The following ERC2 variants were observed in gnomAD, a reference collection of about 807,000 sequenced individuals.
ERC2 encodes the protein ELKS/RAB6-interacting/CAST family member 2.
ERC2 carries 42 observed loss-of-function variants against 114.8 expected under a neutral mutation model. The observed-to-expected ratio is 0.37, with a 90% CI of 0.29 to 0.47. The LOEUF (loss-of-function observed/expected upper bound fraction) is 0.47. Among genes scored for constraint, ERC2 ranks in the 20% least tolerant of loss-of-function variants. The probability of loss-of-function intolerance (pLI) is 0.99; values close to 1 mark genes in which losing one functional copy is unlikely to be tolerated. For synonymous variants in ERC2, 454 were observed against 425.5 expected, an observed-to-expected ratio of 1.07 and a Z score of -0.82; for missense variants, 939 against 1,150.7, an observed-to-expected ratio of 0.82 and a Z score of 2.66.
At chr3:55,956,915 A>G (rs571390221) in intron 12 of ERC2, among the ~76,000 whole-genome samples, 1 of 148,342 alleles carries the variant, frequency 6.7e-6, no homozygotes, top group Admixed American at 6.9e-5. Context: ...ACCATCGCGC[A>G]TTGTGTCTTC....
intron 14 of ERC2, among the ~76,000 whole-genome samples, chr3:55,869,244 A>G (rs1326718042): frequency 6.6e-6 from 1 of 152,158 alleles, no homozygotes; most frequent in Non-Finnish European, 1.5e-5. Flanking sequence ...GGGGGTCTCT[A>G]GCCCTGCTTG....
chr3:56,079,514 C>T (rs943201001), intron 7 of ERC2, among the ~76,000 whole-genome samples: 1 of 152,120 alleles, frequency 6.6e-6, no homozygotes, highest in Non-Finnish European at 1.5e-5. Flanking sequence ...GACAGGAGGC[C>T]AGACTGGCCA....
intron 2 of ERC2, among the ~76,000 whole-genome samples, chr3:56,334,159 CT>C (rs771232623): frequency 9.2e-5 from 14 of 152,216 alleles, no homozygotes; most frequent in Non-Finnish European, 1.8e-4. Context: ...GACAGAGAAA[CT>C]CTTCCCCCAA....
intron 3 of ERC2, among the ~76,000 whole-genome samples, chr3:56,255,881 A>G (rs1030780466): frequency 1.3e-5 from 2 of 152,230 alleles, no homozygotes; most frequent in Non-Finnish European, 2.9e-5. Context: ...GGAGCTAATT[A>G]GAAATGCAGA....
intron 13 of ERC2, among the ~76,000 whole-genome samples, chr3:55,939,264 A>G (rs2066634866): frequency 2.0e-5 from 3 of 152,254 alleles, no homozygotes; most frequent in Admixed American, 2.0e-4. Flanking sequence ...AATTTGACCA[A>G]CCTCAAACTC....
chr3:56,407,144 G>A (rs1342392094), intron 2 of ERC2, among the ~76,000 whole-genome samples: 3 of 152,190 alleles, frequency 2.0e-5, no homozygotes, highest in Admixed American at 6.5e-5. Context: ...CGCTAATCTC[G>A]CTACTCCCAA....
At chr3:55,617,953 A>C (rs1285255930) in intron 17 of ERC2, among the ~76,000 whole-genome samples, 1 of 152,176 alleles carries the variant, frequency 6.6e-6, no homozygotes, top group Non-Finnish European at 1.5e-5. Context: ...TTTCACAAGG[A>C]AACTGGGATA....
intron 3 of ERC2, among the ~76,000 whole-genome samples, chr3:56,238,614 G>C (rs2051121575): frequency 1.3e-5 from 2 of 152,208 alleles, no homozygotes; most frequent in African/African-American, 4.8e-5. Context: ...GAGGGCTGCA[G>C]GGCCCAGGAG....
intron 14 of ERC2, among the ~76,000 whole-genome samples, chr3:55,752,360 A>T (rs1416709498): frequency 6.6e-6 from 1 of 152,168 alleles, no homozygotes. Flanking sequence ...CTTCCAACTG[A>T]CAAGGGTCAG....
chr3:56,294,707 CAACCAATACTCGAAGAGGATT>C (rs1388068540), intron 3 of ERC2, among the ~76,000 whole-genome samples: 8 of 152,224 alleles, frequency 5.3e-5, no homozygotes, highest in Admixed American at 2.0e-4. Flanking sequence ...TTATGAGGAT[CAACCAATACTCGAAGAGGATT>C]ATATAATGGT....
intron 12 of ERC2, among the ~76,000 whole-genome samples, chr3:55,957,698 C>T (rs149051391): frequency 6.7e-4 from 102 of 152,300 alleles, no homozygotes; most frequent in African/African-American, 2.4e-3. Flanking sequence ...CTGACTACTA[C>T]GCACAGCCAG....
chr3:56,202,424 AT>A (rs2048458512), intron 3 of ERC2, among the ~76,000 whole-genome samples: 1 of 152,098 alleles, frequency 6.6e-6, no homozygotes, highest in Non-Finnish European at 1.5e-5. Context: ...AAGAACTCAA[AT>A]GCAACTGCAC....
chr3:56,336,249 G>A (rs542423135), intron 2 of ERC2, among the ~76,000 whole-genome samples: 2 of 152,296 alleles, frequency 1.3e-5, no homozygotes, highest in East Asian at 3.9e-4. Context: ...TATAAGATAG[G>A]AAGCATCATT....
intron 12 of ERC2, among the ~76,000 whole-genome samples, chr3:55,971,693 A>C (rs1359540113): frequency 1.3e-5 from 2 of 152,188 alleles, no homozygotes; most frequent in Non-Finnish European, 1.5e-5. Context: ...GTGGTGGAGG[A>C]GTAAGGATCA....
At chr3:55,660,225 G>C (rs565308335) in intron 17 of ERC2, among the ~76,000 whole-genome samples, 1 of 152,220 alleles carries the variant, frequency 6.6e-6, no homozygotes, top group South Asian at 2.1e-4. Context: ...ACATCAACCC[G>C]CACCCCCACC....
chr3:56,466,585 A>G (rs538460928), intron 1 of ERC2, among the ~76,000 whole-genome samples: 3 of 152,232 alleles, frequency 2.0e-5, no homozygotes, highest in Admixed American at 1.3e-4. Flanking sequence ...TACTCCCCGG[A>G]AAGAAAATGG....
chr3:55,886,769 G>A (rs1170472629), intron 14 of ERC2, among the ~76,000 whole-genome samples: 1 of 152,160 alleles, frequency 6.6e-6, no homozygotes, highest in African/African-American at 2.4e-5. Context: ...CAAACATCAA[G>A]ATTTTATATA....
chr3:55,615,786 C>T (rs2148581444), intron 17 of ERC2, among the ~76,000 whole-genome samples: 1 of 152,256 alleles, frequency 6.6e-6, no homozygotes, highest in South Asian at 2.1e-4. Flanking sequence ...AGCAATTCAG[C>T]AGAGGCCTTG....
rs140393505 is a variant in ERC2, at chr3:56,092,670, T to G, written c.1474-11686A>C. On this transcript the variant is annotated intron_variant, in intron 6 of 17. Coordinates refer to ENST00000288221, the MANE Select transcript of ERC2 (RefSeq NM_015576.3). ...GTAAGCCATTCCAAAGTCAATGTTA[T>G]TTTGCAACATGATGATAGTTATAAA... 2.0e-3 allele frequency among the ~76,000 whole-genome samples: 299 copies of G among 152,320 alleles called. 1 individual carries two copies. Among genetic ancestry groups the G allele is most frequent in the Non-Finnish European group, 2.8e-3 (190 of 68,032 alleles).
Sources: allele counts gnomAD v4.1 joint callset (sites outside exome capture counted in the v4.1 genomes callset), GRCh38; gene constraint gnomAD v4.1.1; transcripts MANE v1.5; gene names NCBI Gene and HGNC (gene_info 2026-07-23, HGNC 2026-07-21).